SRPK2: variants seen among roughly 807,000 people sequenced by gnomAD.
SRPK2 encodes the protein SFRS protein kinase 2.
SRPK2 carries 21 observed loss-of-function variants against 90.8 expected under a neutral mutation model. The ratio of observed to expected loss-of-function variants is 0.23; its 90% CI spans 0.16 to 0.33. The LOEUF (loss-of-function observed/expected upper bound fraction) is 0.33, where lower values mean the gene tolerates loss of function less well. Ranked by LOEUF, SRPK2 falls within the 10% of genes least tolerant of loss-of-function variation. The probability of loss-of-function intolerance (pLI) is 1.00; values close to 1 mark genes in which losing one functional copy is unlikely to be tolerated. For synonymous variants in SRPK2, 288 were observed against 311.1 expected, an observed-to-expected ratio of 0.93 and a Z score of 0.78; for missense variants, 620 against 869.0, an observed-to-expected ratio of 0.71 and a Z score of 3.60.
At chr7:105,361,237 G>A (rs990986236) in intron 2 of SRPK2, among the ~76,000 whole-genome samples, 5 of 152,074 alleles carry the variant, frequency 3.3e-5, no homozygotes, top group African/African-American at 1.2e-4. Context: ...GCTACAAAGA[G>A]AATACAATAC....
intron 2 of SRPK2, among the ~76,000 whole-genome samples, chr7:105,211,979 G>A (rs1006037880): frequency 6.6e-6 from 1 of 152,102 alleles, no homozygotes; most frequent in Non-Finnish European, 1.5e-5. Flanking sequence ...CTGAGTTCAG[G>A]TTTTTATCAT....
At chr7:105,306,524 A>T (rs1277832196) in intron 2 of SRPK2, 1 of 453,634 alleles carries the variant, frequency 2.2e-6, no homozygotes, top group East Asian at 7.0e-5. Context: ...CTCATGAAGG[A>T]AAGCAGTGAG....
At chr7:105,270,996 T>C (rs1805760019) in intron 2 of SRPK2, among the ~76,000 whole-genome samples, 1 of 152,198 alleles carries the variant, frequency 6.6e-6, no homozygotes. Flanking sequence ...CTCCTTCTTA[T>C]CATCAACCTC....
At chr7:105,259,333 G>A (rs1803845633) in intron 2 of SRPK2, among the ~76,000 whole-genome samples, 1 of 152,312 alleles carries the variant, frequency 6.6e-6, no homozygotes, top group African/African-American at 2.4e-5. Flanking sequence ...CAAGGGATGT[G>A]AAGGACCTCT....
chr7:105,313,678 G>A (rs928457769), intron 2 of SRPK2, among the ~76,000 whole-genome samples: 1 of 151,622 alleles, frequency 6.6e-6, no homozygotes, highest in East Asian at 2.0e-4. Context: ...TTGAACCAGG[G>A]AGGCGGAGGT....
At chr7:105,315,144 T>C (rs1812176573) in intron 2 of SRPK2, among the ~76,000 whole-genome samples, 1 of 152,174 alleles carries the variant, frequency 6.6e-6, no homozygotes, top group African/African-American at 2.4e-5. Flanking sequence ...TAAAGGAGCC[T>C]AGAATGATTC....
downstream of SRPK2, chr7:105,115,163 T>C (rs1799554220): frequency 6.6e-6 from 1 of 152,176 alleles, no homozygotes; most frequent in African/African-American, 2.4e-5. Context: ...AAATACAGTC[T>C]TCTACCAAAA....
In SRPK2 at chr7:105,145,234, C is replaced by T. The variant is rs778125318; in HGVS notation, c.813+49G>A. ...ATAATTTGAACAACTCAATAATAAA[C>T]GGTCTCTTTTAACATGGTGCATATA... is the stretch of plus-strand genomic sequence containing the variant. On this transcript the variant is annotated intron_variant, in intron 9 of 15. Transcript: ENST00000393651. The T allele has an allele frequency of 1.3e-5, 18 of 1,424,696 alleles. No homozygotes were observed. In the South Asian group the frequency reaches 1.4e-4, roughly 11 times the overall value. 88.3% of individuals were successfully genotyped at this position (1,424,696 alleles called of 1,614,324 possible). A position where few individuals can be genotyped will look rare whatever the true frequency, so the allele number is the denominator to read the frequency against.
chr7:105,177,939 G>A (rs1317714746), intron 3 of SRPK2, among the ~76,000 whole-genome samples: 3 of 150,602 alleles, frequency 2.0e-5, no homozygotes, highest in African/African-American at 4.9e-5. Context: ...TGAGGCAGGA[G>A]AACGGCGTGA....
chr7:105,242,089 G>A (rs901119940), intron 2 of SRPK2, among the ~76,000 whole-genome samples: 5 of 152,084 alleles, frequency 3.3e-5, no homozygotes, highest in South Asian at 2.1e-4. Context: ...GCTGGTTGAC[G>A]GCAGGCAACA....
At chr7:105,257,708 A>C (rs1366715556) in intron 2 of SRPK2, among the ~76,000 whole-genome samples, 1 of 152,164 alleles carries the variant, frequency 6.6e-6, no homozygotes, top group Non-Finnish European at 1.5e-5. Context: ...TTTTTAAGGC[A>C]AACAATACAG....
chr7:105,329,488 G>T (rs933534705), intron 2 of SRPK2, among the ~76,000 whole-genome samples: 5 of 152,016 alleles, frequency 3.3e-5, no homozygotes, highest in African/African-American at 9.7e-5. Flanking sequence ...AGCTACTCGG[G>T]AGGCTGAGGT....
chr7:105,286,428 G>A (rs1279112285), intron 2 of SRPK2, among the ~76,000 whole-genome samples: 2 of 152,158 alleles, frequency 1.3e-5, no homozygotes, highest in Non-Finnish European at 2.9e-5. Context: ...TGTCCATAAA[G>A]AAGATCAAAA....
At chr7:105,346,700 G>C (rs1034894672) in intron 2 of SRPK2, among the ~76,000 whole-genome samples, 1 of 151,998 alleles carries the variant, frequency 6.6e-6, no homozygotes, top group Admixed American at 6.6e-5. Flanking sequence ...GGAGGTTGCA[G>C]TGAGCCAAGA....
At chr7:105,307,799 C>G (rs553992315) in intron 2 of SRPK2, among the ~76,000 whole-genome samples, 2 of 152,014 alleles carry the variant, frequency 1.3e-5, no homozygotes, top group African/African-American at 4.8e-5. Context: ...AAATAACATA[C>G]GCTTTATCTT....
At chr7:105,286,231 C>A (rs1256169600) in intron 2 of SRPK2, among the ~76,000 whole-genome samples, 1 of 152,174 alleles carries the variant, frequency 6.6e-6, no homozygotes, top group African/African-American at 2.4e-5. Context: ...CCTTTACATT[C>A]ATAATATTTG....
chr7:105,179,786 T>C (rs187310178), intron 3 of SRPK2, among the ~76,000 whole-genome samples: 30 of 124,980 alleles, frequency 2.4e-4, no homozygotes, highest in Admixed American at 7.6e-4. Flanking sequence ...GATTGCGCCA[T>C]TGCACTCCAG....
At chr7:105,196,566 C>T (rs1252843911) in intron 3 of SRPK2, among the ~76,000 whole-genome samples, 2 of 152,178 alleles carry the variant, frequency 1.3e-5, no homozygotes, top group Non-Finnish European at 1.5e-5. Flanking sequence ...CAGCCCGTCA[C>T]GGCAAGCAAA....
intron 2 of SRPK2, among the ~76,000 whole-genome samples, chr7:105,364,405 GTT>G (rs71152964): frequency 7.5e-6 from 1 of 133,894 alleles, no homozygotes; most frequent in Non-Finnish European, 1.6e-5. Context: ...CGTGTGTAAC[GTT>G]TTTTTTTTTT....
Sources: allele counts gnomAD v4.1 joint callset (sites outside exome capture counted in the v4.1 genomes callset), GRCh38; gene constraint gnomAD v4.1.1; transcripts MANE v1.5; gene names NCBI Gene and HGNC (gene_info 2026-07-23, HGNC 2026-07-21).